Variants in DLG5 observed in about 807,000 individuals in gnomAD.
The protein encoded by DLG5 is discs large MAGUK scaffold protein 5, also known as disks large homolog 5.
In DLG5, 48 loss-of-function variants were observed where a neutral mutation model predicts 189.8. The observed-to-expected ratio is 0.25, with a 90% CI of 0.20 to 0.32. The LOEUF is 0.32. DLG5 is among the 10% of genes least tolerant of loss of function. DLG5 has a pLI of 1.00. For synonymous variants in DLG5, 1,016 were observed against 1,054.1 expected (o/e 0.96, Z 0.70); for missense variants, 2,160 against 2,544.7 (o/e 0.85, Z 3.25).
At chr10:77,829,182 G>A (rs145555965) in intron 12 of DLG5, among the ~76,000 whole-genome samples, 173 bp downstream of exon 12, 65 of 152,352 alleles carry the variant, frequency 4.3e-4, no homozygotes, top group African/African-American at 1.5e-3. Flanking sequence ...CACTCAGAAA[G>A]CAAGACTCAG....
intron 4 of DLG5, 105 bp from the exon 5 acceptor site, chr10:77,853,642 G>T: frequency 8.5e-7 from 1 of 1,180,654 alleles, no homozygotes; most frequent in Non-Finnish European, 1.1e-6. Flanking sequence ...CGTAGATACA[G>T]CGGACAGGAG....
chr10:77,909,735 C>G (rs1460186676), intron 1 of DLG5, among the ~76,000 whole-genome samples: 1 of 152,074 alleles, frequency 6.6e-6, no homozygotes, highest in Non-Finnish European at 1.5e-5. Flanking sequence ...AACTCTAAAC[C>G]GCCATGGGTT....
At chr10:77,923,511 A>G (rs575161562) in intron 1 of DLG5, among the ~76,000 whole-genome samples, 10 of 152,270 alleles carry the variant, frequency 6.6e-5, no homozygotes, top group African/African-American at 1.9e-4. Context: ...TAATCCCAAC[A>G]CTTTTGGGAG....
At chr10:77,888,047 A>G (rs1845493141) in intron 1 of DLG5, among the ~76,000 whole-genome samples, 1 of 152,192 alleles carries the variant, frequency 6.6e-6, no homozygotes, top group African/African-American at 2.4e-5. Flanking sequence ...GTTTAAATGG[A>G]AACTGTCAGA....
At chr10:77,888,932 G>A (rs200935241) in intron 1 of DLG5, among the ~76,000 whole-genome samples, 1 of 139,584 alleles carries the variant, frequency 7.2e-6, no homozygotes, top group Non-Finnish European at 1.6e-5. Context: ...ATCTCCAAAC[G>A]TCTCCATTCC....
chr10:77,925,320 G>A (rs1217376946), intron 1 of DLG5, among the ~76,000 whole-genome samples: 1 of 152,172 alleles, frequency 6.6e-6, no homozygotes, highest in East Asian at 1.9e-4. Flanking sequence ...CCCAATAAAT[G>A]CTAGTTCTCC....
chr10:77,934,660 C>T, the DLG5 span, among the ~76,000 whole-genome samples: 1 of 152,072 alleles, frequency 6.6e-6, no homozygotes, highest in African/African-American at 2.4e-5. Context: ...CTTACAATCA[C>T]AAGGAACTGG....
intron 1 of DLG5, among the ~76,000 whole-genome samples, chr10:77,890,335 G>A (rs1278264999): frequency 3.3e-5 from 5 of 152,136 alleles, no homozygotes; most frequent in African/African-American, 4.8e-5. Context: ...TCTTGTGCTC[G>A]TCACTTCCTC....
intron 26 of DLG5, 140 bp downstream of exon 26, chr10:77,806,618 T>G: frequency 8.3e-7 from 1 of 1,209,998 alleles, no homozygotes; most frequent in Non-Finnish European, 1.2e-6. Flanking sequence ...TGGCAAAATG[T>G]AGAGAGCAGA....
intron 30 of DLG5, 110 bp downstream of exon 30, chr10:77,794,739 C>A: frequency 1.3e-6 from 1 of 771,400 alleles, no homozygotes; most frequent in Non-Finnish European, 2.2e-6. Flanking sequence ...GACCCATAGG[C>A]CCATCTCTCA....
intron 1 of DLG5, among the ~76,000 whole-genome samples, chr10:77,880,961 C>CTT (rs1564572294): frequency 9.5e-6 from 1 of 105,650 alleles, no homozygotes; most frequent in Non-Finnish European, 2.0e-5. Context: ...TAACCCTAGA[C>CTT]CTTTTTTTTT....
intron 9 of DLG5, 77 bp from the exon 10 acceptor site, chr10:77,830,950 G>C: frequency 6.5e-7 from 1 of 1,536,818 alleles, no homozygotes; most frequent in Non-Finnish European, 8.8e-7. Context: ...TGAACCTCAC[G>C]AGGCAGGCCA....
chr10:77,899,110 G>C (rs1018978860), intron 1 of DLG5, among the ~76,000 whole-genome samples: 6 of 152,170 alleles, frequency 3.9e-5, no homozygotes, highest in Admixed American at 1.3e-4. Context: ...CATCCGCCTT[G>C]AAGTTGGCAA....
At chr10:77,876,882 T>TG (rs1845116500) in intron 1 of DLG5, among the ~76,000 whole-genome samples, 1 of 151,524 alleles carries the variant, frequency 6.6e-6, no homozygotes, top group Middle Eastern at 3.4e-3. Context: ...TCTTTTTTTT[T>TG]TTTTTAAACT....
rs1008648338 is a variant in DLG5 at position 77,874,515 on chromosome 10, G to A, written c.305-5318C>T. Among the ~76,000 whole-genome samples, 18 of 152,298 alleles carry A rather than the reference G, an allele frequency of 1.2e-4. 3 individuals carry two copies. Among genetic ancestry groups the A allele is most frequent in the Admixed American group, 3.9e-4 (6 of 15,296 alleles). ...CCTCATGTGATGGGCCAGTCAAAATGCAGGCGCAGGATACAGTTTATTCTG... is the reference window on the plus strand; with the variant it reads ...CCTCATGTGATGGGCCAGTCAAAATACAGGCGCAGGATACAGTTTATTCTG... On this transcript the variant is annotated intron_variant, in intron 1 of 31. Coordinates refer to ENST00000372391, the MANE Select transcript of DLG5 (RefSeq NM_004747.4).
rs757684286 is a variant in DLG5, at chr10:77,853,380, C to T, written c.838G>A (p.Gly280Ser). 19 of 1,586,466 alleles carry T rather than the reference C, an allele frequency of 1.2e-5. No individual in the cohort carries two copies. The East Asian group carries it at 1.8e-4, about 15-fold the overall frequency. Residue 280 changes from glycine to serine, a missense_variant, in exon 5 of 32, where the codon GGT becomes AGT. By Grantham distance (56) the Gly-to-Ser change is moderately conservative (BLOSUM62 0). Around this residue, in one of 5 missense-constraint regions of DLG5, gnomAD observed 664 missense variants for 838.5 expected, o/e 0.79. Coordinates refer to ENST00000372391, the MANE Select transcript of DLG5 (RefSeq NM_004747.4). ...RLHEEDQKEI[G>S]DLRAQQQQVL... ...TGCTGCTGCTGGGCACGGAGGTCAC[C>T]GATCTCCTTCTGGTCCTCCTCGTGG...
At chr10:77,889,108 CCCACAGGTAACCTCCCAGGCCTCACAAG>C in intron 1 of DLG5, among the ~76,000 whole-genome samples, 5 of 140,174 alleles carry the variant, frequency 3.6e-5, no homozygotes, top group Non-Finnish European at 7.8e-5. Context: ...GCCTCACAAG[CCCACAGGTAACCTCCCAGGCCTCACAAG>C]CCCACAGGTA....
At chr10:77,889,156 G>A (rs1416210424) in intron 1 of DLG5, among the ~76,000 whole-genome samples, 3 of 145,900 alleles carry the variant, frequency 2.1e-5, no homozygotes, top group African/African-American at 7.8e-5. Context: ...AACCTCCCAG[G>A]CTTCACAAGC....
chr10:77,832,745 G>A lies in DLG5; in HGVS notation c.1748+1169C>T, dbSNP rs138581274. The stretch of plus-strand genomic sequence containing the variant: ...CTTCAGGCAACTCTGGCCCAAACAA[G>A]AGGCAAAATGTCCCATGTTCACGGC... On this transcript the variant is annotated intron_variant, in intron 9 of 31. Coordinates refer to ENST00000372391, the MANE Select transcript of DLG5 (RefSeq NM_004747.4). Among the ~76,000 whole-genome samples, 104 of 152,284 alleles carry A rather than the reference G, an allele frequency of 6.8e-4. 1 individual carries two copies. Among genetic ancestry groups the A allele is most frequent in the Non-Finnish European group, 1.2e-3 (85 of 68,024 alleles).
Sources: allele counts gnomAD v4.1 joint callset (sites outside exome capture counted in the v4.1 genomes callset), GRCh38; gene constraint gnomAD v4.1.1; regional missense constraint gnomAD v4.1.1; transcripts MANE v1.5; gene names NCBI Gene and HGNC (gene_info 2026-07-23, HGNC 2026-07-21).